DNAJC11: variants seen among roughly 807,000 people sequenced by gnomAD.
DNAJC11 encodes the protein DnaJ heat shock protein family (Hsp40) member C11.
A neutral mutation model predicts 78.6 loss-of-function variants in DNAJC11; 15 were observed. That is an observed-to-expected ratio of 0.19 (90% CI 0.13 to 0.29). The LOEUF (loss-of-function observed/expected upper bound fraction) is 0.29, where lower values mean the gene tolerates loss of function less well. Ranked by LOEUF, DNAJC11 falls within the 10% of genes least tolerant of loss-of-function variation. The pLI, the probability that DNAJC11 is intolerant of heterozygous loss-of-function variation, is 1.00. For missense variants in DNAJC11, 547 were observed against 709.6 expected, an observed-to-expected ratio of 0.77 and a Z score of 2.60; for synonymous variants, 292 against 272.1, an observed-to-expected ratio of 1.07 and a Z score of -0.72.
chr1:6,642,915 G>A (rs1007482764), intron 10 of DNAJC11, among the ~76,000 whole-genome samples: 4 of 152,204 alleles, frequency 2.6e-5, no homozygotes, highest in African/African-American at 7.2e-5. Context: ...GGGCATGAGA[G>A]CCATGAGGCT....
intron 4 of DNAJC11, chr1:6,654,349 T>C (rs534212615): frequency 2.0e-5 from 4 of 201,232 alleles, no homozygotes; most frequent in Non-Finnish European, 4.1e-5. Context: ...GCTAGACAGT[T>C]TGATTTTCAG....
chr1:6,635,830 G>A (rs1046345495), intron 15 of DNAJC11, 130 bp from the exon 16 acceptor site: 1 of 1,156,908 alleles, frequency 8.6e-7, no homozygotes, highest in South Asian at 1.3e-5. Context: ...ACCCGCTGCT[G>A]AAAATCAACT....
chr1:6,662,597 A>G (rs1642233336), intron 4 of DNAJC11, among the ~76,000 whole-genome samples: 1 of 152,106 alleles, frequency 6.6e-6, no homozygotes, highest in Admixed American at 6.5e-5. Context: ...TTGTAAATGT[A>G]CCAATCAGCA....
intron 14 of DNAJC11, 73 bp downstream of exon 14, chr1:6,637,125 T>G (rs1641791691): frequency 6.3e-7 from 1 of 1,586,100 alleles, no homozygotes; most frequent in Non-Finnish European, 8.6e-7. Context: ...GCTAGGATTA[T>G]AGGCCTGAGT....
intron 4 of DNAJC11, among the ~76,000 whole-genome samples, chr1:6,658,878 A>T (rs1642168602): frequency 6.6e-6 from 1 of 152,170 alleles, no homozygotes; most frequent in African/African-American, 2.4e-5. Flanking sequence ...TGGCCCCTAT[A>T]ATTCCTGATC....
chr1:6,659,010 GCTAC>G (rs1642170337), intron 4 of DNAJC11, among the ~76,000 whole-genome samples: 1 of 152,174 alleles, frequency 6.6e-6, no homozygotes, highest in African/African-American at 2.4e-5. Context: ...CCCACCCACT[GCTAC>G]CTGTTGGAAG....
At chr1:6,650,611 C>T (rs538277806) in intron 7 of DNAJC11, among the ~76,000 whole-genome samples, 4 of 152,208 alleles carry the variant, frequency 2.6e-5, no homozygotes, top group South Asian at 2.1e-4. Flanking sequence ...TGGTGGCTCA[C>T]GCCTGTAATC....
intron 1 of DNAJC11, among the ~76,000 whole-genome samples, chr1:6,701,375 G>C (rs1642924951): frequency 6.6e-6 from 1 of 152,162 alleles, no homozygotes; most frequent in African/African-American, 2.4e-5. Flanking sequence ...CGAGTATGTG[G>C]GCTGAGCGCG....
intron 11 of DNAJC11, among the ~76,000 whole-genome samples, chr1:6,638,880 C>G (rs951587024): frequency 1.3e-5 from 2 of 152,196 alleles, no homozygotes; most frequent in Non-Finnish European, 2.9e-5. Context: ...TTTCCTGTAA[C>G]AAAGTATGGG....
intron 7 of DNAJC11, among the ~76,000 whole-genome samples, chr1:6,649,732 C>T (rs1272744331): frequency 1.3e-5 from 2 of 149,378 alleles, no homozygotes; most frequent in African/African-American, 5.0e-5. Flanking sequence ...TTTTTTGAGA[C>T]AGTCTTGCTC....
intron 4 of DNAJC11, among the ~76,000 whole-genome samples, chr1:6,656,163 T>C (rs1642123749): frequency 6.7e-6 from 1 of 148,690 alleles, no homozygotes; most frequent in African/African-American, 2.5e-5. Context: ...AAAAATAATC[T>C]GAAGCTGATC....
chr1:6,678,363 T>C (rs1346170984), intron 3 of DNAJC11, 31 bp downstream of exon 3: 11 of 1,600,130 alleles, frequency 6.9e-6, no homozygotes, highest in African/African-American at 1.3e-5. Flanking sequence ...TAATGACTTT[T>C]CTGGAACACC....
At position 6,635,379 on chromosome 1, in the gene DNAJC11, G is replaced by A. The variant is rs553398342; in HGVS notation, c.*296C>T. 3.3e-5 allele frequency: 12 copies of A among 363,442 alleles called. No homozygotes were observed. In the South Asian group the frequency reaches 4.2e-4, roughly 13 times the overall value. The allele number at this position is 363,442 out of a possible 1,614,324, so 22.5% of individuals were successfully genotyped here. Reference sequence around the variant, plus strand: ...GCGGCGGGCTGCGGTCAGCACGTGTGCTCGGGACACAGCGGAGTCAGGGCC... The same window carrying A: ...GCGGCGGGCTGCGGTCAGCACGTGTACTCGGGACACAGCGGAGTCAGGGCC... On this transcript the variant is annotated 3_prime_UTR_variant, in exon 16 of 16. Transcript: ENST00000377577.
chr1:6,694,691 C>A (rs1436860520), intron 1 of DNAJC11, among the ~76,000 whole-genome samples: 1 of 151,726 alleles, frequency 6.6e-6, no homozygotes, highest in Non-Finnish European at 1.5e-5. Flanking sequence ...TTTGGCTGGG[C>A]GCGGTGGCTC....
At chr1:6,688,399 G>A (rs1188310184) in intron 1 of DNAJC11, among the ~76,000 whole-genome samples, 1 of 152,164 alleles carries the variant, frequency 6.6e-6, no homozygotes, top group African/African-American at 2.4e-5. Flanking sequence ...GACAAGGTGA[G>A]TATGTCATTA....
chr1:6,695,573 C>T (rs1278745648), intron 1 of DNAJC11, among the ~76,000 whole-genome samples: 5 of 136,900 alleles, frequency 3.7e-5, no homozygotes, highest in African/African-American at 1.4e-4. Flanking sequence ...GGATGGATCA[C>T]GACGTCAGGA....
chr1:6,667,933 C>A, intron 3 of DNAJC11, 123 bp from the exon 4 acceptor site: 1 of 863,524 alleles, frequency 1.2e-6, no homozygotes, highest in South Asian at 1.5e-5. Flanking sequence ...CACAGCCTTT[C>A]CTCAGGAAGG....
intron 6 of DNAJC11, among the ~76,000 whole-genome samples, chr1:6,652,046 C>T (rs916286170): frequency 1.3e-5 from 2 of 152,134 alleles, no homozygotes; most frequent in African/African-American, 4.8e-5. Flanking sequence ...GTCACTGGGG[C>T]GGTCCTCAGG....
chr1:6,646,876 G>A (rs200453), intron 7 of DNAJC11, among the ~76,000 whole-genome samples: 33,162 of 151,758 alleles, frequency 0.22, 4,118 homozygotes, highest in Admixed American at 0.36. Context: ...ATAACAGTAG[G>A]CAGGCTCATT....
Sources: gnomAD v4.1 joint callset for allele counts (sites outside exome capture counted in the v4.1 genomes callset) on GRCh38, gnomAD v4.1.1 for gene constraint, MANE v1.5 for transcripts, NCBI Gene and HGNC (gene_info 2026-07-23, HGNC 2026-07-21) for gene names.